LRP1B: variants seen among roughly 807,000 people sequenced by gnomAD.
LRP1B encodes LDL receptor related protein 1B, also known as low-density lipoprotein receptor-related protein 1B.
A neutral mutation model predicts 556.6 loss-of-function variants in LRP1B; 217 were observed. The ratio of observed to expected loss-of-function variants is 0.39; its 90% CI spans 0.35 to 0.44. The LOEUF is 0.44. Ranked by LOEUF, LRP1B falls within the 20% of genes least tolerant of loss-of-function variation. The probability of loss-of-function intolerance (pLI) is 1.00; values close to 1 mark genes in which losing one functional copy is unlikely to be tolerated. For missense variants in LRP1B, 5,053 were observed against 5,620.8 expected, an observed-to-expected ratio of 0.90 and a Z score of 3.23; for synonymous variants, 2,047 against 1,865.8, an observed-to-expected ratio of 1.10 and a Z score of -2.50.
At chr2:140,911,807 C>A (rs1369810149) in intron 21 of LRP1B, among the ~76,000 whole-genome samples, 1 of 151,762 alleles carries the variant, frequency 6.6e-6, no homozygotes, top group East Asian at 1.9e-4. Flanking sequence ...GACACATCAC[C>A]AATCCATGAT....
chr2:140,622,870 A>G (rs755329856), intron 41 of LRP1B, among the ~76,000 whole-genome samples: 7 of 152,176 alleles, frequency 4.6e-5, no homozygotes, highest in Non-Finnish European at 1.0e-4. Flanking sequence ...GGAACATGTT[A>G]ACTACTGCCC....
intron 7 of LRP1B, among the ~76,000 whole-genome samples, chr2:141,154,138 ATTACAAGC>A (rs1702008744): frequency 6.6e-6 from 1 of 151,890 alleles, no homozygotes; most frequent in Non-Finnish European, 1.5e-5. Context: ...AGTTCAATAG[ATTACAAGC>A]TAATACGACT....
intron 18 of LRP1B, among the ~76,000 whole-genome samples, chr2:140,959,053 T>C (rs1056392593): frequency 7.1e-6 from 1 of 139,970 alleles, no homozygotes; most frequent in African/African-American, 2.6e-5. Flanking sequence ...AGTGTGCTGC[T>C]CAGATTTTTT....
chr2:141,252,026 CA>C (rs546386015), intron 4 of LRP1B, among the ~76,000 whole-genome samples: 51 of 152,032 alleles, frequency 3.4e-4, no homozygotes, highest in African/African-American at 1.2e-3. Context: ...AACACAAAAA[CA>C]AAAACAAATT....
intron 1 of LRP1B, among the ~76,000 whole-genome samples, chr2:142,075,196 G>A (rs920676231): frequency 6.6e-6 from 1 of 152,038 alleles, no homozygotes; most frequent in African/African-American, 2.4e-5. Context: ...ATTGTATTGA[G>A]CATAGATAAT....
Position 140,850,173 on chromosome 2 carries a change from G to A in LRP1B, c.4868C>T (p.Thr1623Ile), listed in dbSNP as rs2105117603. 4.3e-6 allele frequency: 7 copies of A among 1,613,682 alleles called. No homozygotes were observed. The highest frequency in any genetic ancestry group is 5.9e-6 in the Non-Finnish European group (7 of 1,179,738). ...FDASEERLYW[T>I]DIKTQTIKRA... is the part of the protein sequence containing the mutation. ...TTTAATGGTTTGTGTTTTAATATCTGTCCAGTATAAACGTTCCTCAGATGC... is the reference window on the plus strand; with the variant it reads ...TTTAATGGTTTGTGTTTTAATATCTATCCAGTATAAACGTTCCTCAGATGC... Residue 1623 changes from threonine to isoleucine, a missense_variant, in exon 29 of 91, where the codon ACA becomes ATA. Transcript: ENST00000389484.
rs1198530250 is a variant in LRP1B, at chr2:140,231,786, G to T, written c.*1400C>A. The T allele has an allele frequency of 6.6e-6, 1 of 151,638 alleles. No individual in the cohort carries two copies. Among genetic ancestry groups the T allele is most frequent in the Non-Finnish European group, 1.5e-5 (1 of 67,538 alleles). 9.4% of individuals were successfully genotyped at this position (151,638 alleles called of 1,614,324 possible). A position where few individuals can be genotyped will look rare whatever the true frequency, so the allele number is the denominator to read the frequency against. On this transcript the variant is annotated 3_prime_UTR_variant, in exon 91 of 91. Transcript: ENST00000389484. ...ACCACATATTTAACATATTTCATCT[G>T]TTAGGTTAATACATTATGACAGCTA... is the stretch of plus-strand genomic sequence containing the variant.
chr2:141,079,850 G>A lies in LRP1B; in HGVS notation c.1014-17577C>T, dbSNP rs1008134564. ...GTGGTTTTGCCATTGAAAGTAAATC[G>A]TTTTGAATCCAGCATTAGATTCTAA... On this transcript the variant is annotated intron_variant, in intron 7 of 90. Transcript: ENST00000389484. Among the ~76,000 whole-genome samples, 23 of 152,066 alleles carry A rather than the reference G, an allele frequency of 1.5e-4. 1 individual carries two copies. The highest frequency in any genetic ancestry group is 4.6e-4 in the Admixed American group (7 of 15,268).
At position 140,529,734 on chromosome 2, in the gene LRP1B, GTACTTCCCAA is replaced by G. The variant is rs1359000297; in HGVS notation, c.7763-3394_7763-3385del. Among the ~76,000 whole-genome samples, 3 of 152,084 alleles carry G rather than the reference GTACTTCCCAA, an allele frequency of 2.0e-5. No homozygotes were observed. In the East Asian group the frequency reaches 5.8e-4, roughly 29 times the overall value. ...ACTTCCATAGCCCAAAGAATTTCATGTACTTCCCAAAGGGAGCAGTCTGTACTCATCTCAG... is the reference window on the plus strand; with the variant it reads ...ACTTCCATAGCCCAAAGAATTTCATGAGGGAGCAGTCTGTACTCATCTCAG... On this transcript the variant is annotated intron_variant, in intron 47 of 90. Transcript: ENST00000389484.
rs546480194 is a variant in LRP1B at position 141,542,864 on chromosome 2, A to G, written c.206-62331T>C. Among the ~76,000 whole-genome samples the G allele has an allele frequency of 4.6e-5, 7 of 152,246 alleles. No homozygotes were observed. In the East Asian group the frequency reaches 1.4e-3, roughly 29 times the overall value. ...TTAGTGCCTATTTGCAGTCCTATTG[A>G]AAATAAGAACTTACATAGAAAAGGT... On this transcript the variant is annotated intron_variant, in intron 2 of 90. Coordinates refer to ENST00000389484, the MANE Select transcript of LRP1B (RefSeq NM_018557.3).
intron 2 of LRP1B, 58 bp downstream of exon 2, chr2:141,810,220 CT>C: frequency 1.3e-6 from 2 of 1,551,448 alleles, no homozygotes; most frequent in Admixed American, 3.4e-5. Flanking sequence ...GTGAAAACAA[CT>C]GACATTTAGT....
intron 3 of LRP1B, among the ~76,000 whole-genome samples, chr2:141,307,799 C>A (rs1686653329): frequency 6.6e-6 from 1 of 152,062 alleles, no homozygotes; most frequent in Non-Finnish European, 1.5e-5. Flanking sequence ...ATTCTTGGGC[C>A]TTCAGATAGG....
intron 1 of LRP1B, among the ~76,000 whole-genome samples, chr2:142,015,475 G>A (rs1703090282): frequency 6.6e-6 from 1 of 152,134 alleles, no homozygotes. Flanking sequence ...AAGACTTCAT[G>A]TCTAAAACAC....
At position 140,326,397 on chromosome 2, in the gene LRP1B, G is replaced by A. The variant is rs370914737; in HGVS notation, c.12224-519C>T. On this transcript the variant is annotated intron_variant, in intron 79 of 90. Coordinates refer to ENST00000389484, the MANE Select transcript of LRP1B (RefSeq NM_018557.3). ...TTCAGAGTTGGCCAACGGTGTTATC[G>A]GATATCTGTGTGCATGCTGAAGTTA... 7.9e-5 allele frequency among the ~76,000 whole-genome samples: 12 copies of A among 152,114 alleles called. No homozygotes were observed. The East Asian group carries it at 1.4e-3, about 17-fold the overall frequency.
At chr2:140,719,935 A>G (rs1212527820) in intron 35 of LRP1B, among the ~76,000 whole-genome samples, 1 of 152,084 alleles carries the variant, frequency 6.6e-6, no homozygotes, top group Admixed American at 6.5e-5. Context: ...AGATAGGAAA[A>G]CATGTTTTCT....
chr2:141,180,192 G>A (rs371917879), intron 7 of LRP1B, among the ~76,000 whole-genome samples: 1 of 151,416 alleles, frequency 6.6e-6, no homozygotes, highest in East Asian at 1.9e-4. Flanking sequence ...TCTTCTCATT[G>A]CAATATTTAA....
At chr2:141,761,445 C>A (rs1327419501) in intron 2 of LRP1B, among the ~76,000 whole-genome samples, 1 of 151,202 alleles carries the variant, frequency 6.6e-6, no homozygotes, top group Non-Finnish European at 1.5e-5. Context: ...ACATAGAAAT[C>A]ATTTGAAAAA....
intron 3 of LRP1B, among the ~76,000 whole-genome samples, chr2:141,322,442 G>A (rs113023039): frequency 0.021 from 3,239 of 152,124 alleles, 60 homozygotes; most frequent in Non-Finnish European, 0.034. Flanking sequence ...AGGTATGTCC[G>A]AGTCCTGGTG....
At chr2:141,992,112 G>A (rs1272143153) in intron 1 of LRP1B, among the ~76,000 whole-genome samples, 1 of 152,024 alleles carries the variant, frequency 6.6e-6, no homozygotes, top group Non-Finnish European at 1.5e-5. Context: ...ACAATGTAAT[G>A]TATATAGTCA....
Sources: allele counts gnomAD v4.1 joint callset (sites outside exome capture counted in the v4.1 genomes callset), GRCh38; gene constraint gnomAD v4.1.1; transcripts MANE v1.5; gene names NCBI Gene and HGNC (gene_info 2026-07-23, HGNC 2026-07-21).